The following SLC13A2 variants were observed in gnomAD, a reference collection of about 807,000 sequenced individuals.
The protein encoded by SLC13A2 is Na(+)-coupled citrate transporter.
A neutral mutation model predicts 58.5 loss-of-function variants in SLC13A2; 40 were observed. The observed-to-expected ratio is 0.68, with a 90% confidence interval of 0.53 to 0.89. SLC13A2 has a LOEUF of 0.89. Among genes scored for constraint, SLC13A2 ranks in the 40% least tolerant of loss-of-function variants. SLC13A2 has a pLI of 0.00. For missense variants in SLC13A2, 694 were observed against 772.6 expected, an observed-to-expected ratio of 0.90 and a Z score of 1.21; for synonymous variants, 341 against 331.6, an observed-to-expected ratio of 1.03 and a Z score of -0.31.
chr17:28,493,841 G>C, intron 7 of SLC13A2, 52 bp downstream of exon 7: 2 of 1,592,080 alleles, frequency 1.3e-6, no homozygotes. Context: ...CACATGCTCG[G>C]GAAGGAGGGA....
chr17:28,490,951 GGA>G, intron 4 of SLC13A2, 45 bp downstream of exon 4: 1 of 1,536,990 alleles, frequency 6.5e-7, no homozygotes, highest in Non-Finnish European at 8.8e-7. Flanking sequence ...CTTGGTTCTT[GGA>G]GAGAGTCTGA....
At chr17:28,484,502 C>G (rs2068842346) in intron 1 of SLC13A2, among the ~76,000 whole-genome samples, 2 of 152,086 alleles carry the variant, frequency 1.3e-5, no homozygotes, top group African/African-American at 4.8e-5. Flanking sequence ...ACATGAGGCA[C>G]AGACCAACTC....
Position 28,496,552 on chromosome 17 carries a change from G to A in SLC13A2, c.1573G>A (p.Val525Ile), listed in dbSNP as rs142876384. 1.4e-5 allele frequency: 22 copies of A among 1,613,652 alleles called. No homozygotes were observed. Among genetic ancestry groups the A allele is most frequent in the Middle Eastern group, 1.7e-4 (1 of 6,056 alleles). ...LPVATPPNAI[V>I]FSFGDLKVLD... ...TGTGGCCACCCCGCCCAATGCCATC[G>A]TCTTCTCTTTCGGGGACCTCAAAGT... is the stretch of plus-strand genomic sequence containing the variant. Residue 525 changes from valine to isoleucine, a missense_variant, in exon 11 of 12, where the codon GTC becomes ATC. Physicochemically the swap from Val to Ile is conservative, Grantham distance 29 (BLOSUM62 3). Coordinates refer to ENST00000314669, the MANE Select transcript of SLC13A2 (RefSeq NM_003984.4). The surrounding 1 kb of genome is among the most constrained non-coding windows in gnomAD (Gnocchi z 4.2).
At position 28,477,378 on chromosome 17, in the gene SLC13A2, T is replaced by C. The variant is rs569461056; in HGVS notation, c.102+3564T>C. On this transcript the variant is annotated intron_variant, in intron 1 of 11. Transcript: ENST00000314669. ...CCGGCTAATTTTTTTGTATTTTTAGTAGAGACGGGGTTTCACCGTGTTAGC... is the reference window on the plus strand; with the variant it reads ...CCGGCTAATTTTTTTGTATTTTTAGCAGAGACGGGGTTTCACCGTGTTAGC... Among the ~76,000 whole-genome samples, 371 of 151,584 alleles carry C rather than the reference T, an allele frequency of 2.4e-3. 2 individuals are homozygous for C. Among genetic ancestry groups the C allele is most frequent in the East Asian group, 0.017 (84 of 4,928 alleles).
chr17:28,485,060 A>G (rs1268806205), intron 1 of SLC13A2, among the ~76,000 whole-genome samples: 1 of 152,220 alleles, frequency 6.6e-6, no homozygotes. Context: ...TCAGGAGCCC[A>G]TAAACAGATC....
At chr17:28,490,336 C>T (rs201498414) in intron 2 of SLC13A2, 118 bp from the exon 3 acceptor site, 28 of 1,608,046 alleles carry the variant, frequency 1.7e-5, no homozygotes, top group Middle Eastern at 3.3e-4. Context: ...CATCCAGTTT[C>T]GAGAGCCCAG....
chr17:28,494,044 C>T lies in SLC13A2; in HGVS notation c.1125C>T (p.Ile375=), dbSNP rs199745447. ...ESMVSDGTVA[I]FIGIIMFIIP... ...TGGTGTCCGATGGGACAGTGGCCATCTTCATCGGCATAATTATGTTCATCA... is the reference window on the plus strand; with the variant it reads ...TGGTGTCCGATGGGACAGTGGCCATTTTCATCGGCATAATTATGTTCATCA... Residue 375 remains isoleucine (I), a synonymous_variant, in exon 8 of 12, where the codon ATC becomes ATT. Transcript: ENST00000314669. This position sits in a 1 kb window ranked among gnomAD's most constrained non-coding sequence, Gnocchi z 4.0. The T allele has an allele frequency of 1.9e-6, 3 of 1,614,114 alleles. No homozygotes were observed. Among genetic ancestry groups the T allele is most frequent in the East Asian group, 4.5e-5 (2 of 44,860 alleles).
chr17:28,492,965 G>A (rs1045740152), intron 6 of SLC13A2, among the ~76,000 whole-genome samples: 39 of 152,278 alleles, frequency 2.6e-4, no homozygotes, highest in Admixed American at 2.0e-3. Flanking sequence ...ACAAGGCAAG[G>A]TGGTAGTAGA....
At chr17:28,478,779 C>A (rs977800079) in intron 1 of SLC13A2, among the ~76,000 whole-genome samples, 1 of 152,206 alleles carries the variant, frequency 6.6e-6, no homozygotes, top group Non-Finnish European at 1.5e-5. Flanking sequence ...ATTCATCCAA[C>A]CATGCATTTT....
chr17:28,489,194 C>T lies in SLC13A2; in HGVS notation c.103-20C>T, dbSNP rs782293916. 19 of 1,611,424 alleles carry T rather than the reference C, an allele frequency of 1.2e-5. No homozygotes were observed. Among genetic ancestry groups the T allele is most frequent in the Admixed American group, 3.3e-5 (2 of 59,972 alleles). On this transcript the variant is annotated intron_variant, in intron 1 of 11. Coordinates refer to ENST00000314669, the MANE Select transcript of SLC13A2 (RefSeq NM_003984.4). ...GACACAGGCCCTCTGACAGCTCTGC[C>T]GCTTCTCTCCCACCTGCAGGAGGCC...
In SLC13A2 at chr17:28,496,965, G is replaced by T; in HGVS notation, c.1609-134G>T. ...GGGCAAAGGCATTGGCTATGCTGCA[G>T]GTTAGACCAACGGGAGGACTTCCCA... On this transcript the variant is annotated intron_variant, in intron 11 of 11. Coordinates refer to ENST00000314669, the MANE Select transcript of SLC13A2 (RefSeq NM_003984.4). This position sits in a 1 kb window ranked among gnomAD's most constrained non-coding sequence, Gnocchi z 4.2. The T allele has an allele frequency of 1.1e-6, 1 of 897,228 alleles. No individual in the cohort carries two copies. The allele number at this position is 897,228 out of a possible 1,614,324, so 55.6% of individuals were successfully genotyped here. A position where few individuals can be genotyped will look rare whatever the true frequency, so the allele number is the denominator to read the frequency against.
chr17:28,474,500 A>G (rs2068638711), intron 1 of SLC13A2, among the ~76,000 whole-genome samples: 1 of 152,058 alleles, frequency 6.6e-6, no homozygotes, highest in African/African-American at 2.4e-5. Context: ...GCCCTGCCCT[A>G]GGCACCCAGT....
chr17:28,482,557 G>A (rs886507605), intron 1 of SLC13A2, among the ~76,000 whole-genome samples: 15 of 152,108 alleles, frequency 9.9e-5, no homozygotes, highest in African/African-American at 3.1e-4. Flanking sequence ...AACCGCGTGT[G>A]GTAGTATCTG....
At chr17:28,474,451 C>T (rs1391154308) in intron 1 of SLC13A2, among the ~76,000 whole-genome samples, 12 of 152,032 alleles carry the variant, frequency 7.9e-5, no homozygotes, top group Non-Finnish European at 5.9e-5. Flanking sequence ...CAGCAGAAGT[C>T]ATAACTTCAT....
At chr17:28,487,592 A>T in intron 1 of SLC13A2, 1 of 985,290 alleles carries the variant, frequency 1.0e-6, no homozygotes, top group Non-Finnish European at 1.2e-6. Context: ...CTGGCCAGAG[A>T]GTTCTGGGTG....
chr17:28,493,772 C>A lies in SLC13A2; in HGVS notation c.1080C>A (p.Pro360=). The A allele has an allele frequency of 1.2e-6, 2 of 1,614,132 alleles. No individual in the cohort carries two copies. Among genetic ancestry groups the A allele is most frequent in the South Asian group, 2.2e-5 (2 of 91,078 alleles). ...FFLGWGNLAF[P]NAKGESMVSD... is the part of the protein sequence containing the mutation. ...TTGGCTGGGGCAATTTGGCTTTTCC[C>A]AATGCCAAGGGGGAGAGGTGAGAGT... The change falls in exon 7 of 12, where the codon CCC becomes CCA. Residue 360 remains proline (P), a synonymous_variant. Transcript: ENST00000314669.
chr17:28,483,929 AG>A (rs1242684909), intron 1 of SLC13A2, among the ~76,000 whole-genome samples: 7 of 152,204 alleles, frequency 4.6e-5, no homozygotes, highest in African/African-American at 1.7e-4. Flanking sequence ...TGCCTGGCTT[AG>A]GGTTTGGAAG....
intron 1 of SLC13A2, among the ~76,000 whole-genome samples, chr17:28,486,891 G>A (rs757815339): frequency 6.6e-6 from 1 of 151,236 alleles, no homozygotes; most frequent in Non-Finnish European, 1.5e-5. Context: ...TCAACCTCCT[G>A]GGCTCAGGTG....
intron 2 of SLC13A2, chr17:28,490,176 A>G: frequency 1.2e-6 from 1 of 802,006 alleles, no homozygotes; most frequent in Non-Finnish European, 1.9e-6. Context: ...TGGGAGGCTG[A>G]GGTGGGAGGA....
Sources: allele counts gnomAD v4.1 joint callset (sites outside exome capture counted in the v4.1 genomes callset), GRCh38; gene constraint gnomAD v4.1.1; non-coding constraint Gnocchi (gnomAD v3.1); transcripts MANE v1.5; gene names NCBI Gene and HGNC (gene_info 2026-07-23, HGNC 2026-07-21).